RANBP17: variants seen among roughly 807,000 people sequenced by gnomAD.
RANBP17 encodes ran-binding protein 17.
In RANBP17, 158 loss-of-function variants were observed where a neutral mutation model predicts 141.2. The ratio of observed to expected loss-of-function variants is 1.12; its 90% CI spans 0.98 to 1.28. The LOEUF is 1.28. Among genes scored for constraint, RANBP17 ranks in the 50% most tolerant of loss-of-function variants. The probability of loss-of-function intolerance (pLI) is 0.00; values close to 1 mark genes in which losing one functional copy is unlikely to be tolerated. For synonymous variants in RANBP17, 430 were observed against 450.0 expected (o/e 0.96, Z 0.56); for missense variants, 1,438 against 1,290.7 (o/e 1.11, Z -1.75).
chr5:171,258,603 A>G (rs1422270114), intron 24 of RANBP17, among the ~76,000 whole-genome samples: 3 of 152,218 alleles, frequency 2.0e-5, no homozygotes, highest in Non-Finnish European at 4.4e-5. Context: ...CCGATCTTCA[A>G]CAAAGCTGAC....
At chr5:171,097,322 GCTT>G (rs1327319895) in intron 14 of RANBP17, among the ~76,000 whole-genome samples, 1 of 152,014 alleles carries the variant, frequency 6.6e-6, no homozygotes, top group Admixed American at 6.6e-5. Flanking sequence ...GTCACTGAGT[GCTT>G]CTTATGTATC....
At chr5:171,275,564 A>C in intron 25 of RANBP17, among the ~76,000 whole-genome samples, 1 of 152,196 alleles carries the variant, frequency 6.6e-6, no homozygotes, top group East Asian at 1.9e-4. Flanking sequence ...TTCTGAGGCT[A>C]TGATATTTAA....
intron 13 of RANBP17, among the ~76,000 whole-genome samples, chr5:170,965,968 G>C (rs1458460277): frequency 6.6e-6 from 1 of 152,088 alleles, no homozygotes; most frequent in Non-Finnish European, 1.5e-5. Context: ...GGATGGCATT[G>C]AATCTATAAA....
intron 14 of RANBP17, among the ~76,000 whole-genome samples, chr5:171,097,557 C>T (rs1786779757): frequency 6.6e-6 from 1 of 150,740 alleles, no homozygotes; most frequent in Admixed American, 6.6e-5. Flanking sequence ...TTAAGTCTAT[C>T]AATAGTCCCA....
At chr5:170,953,746 A>T (rs1446685507) in intron 13 of RANBP17, 44 bp downstream of exon 13, 14 of 1,262,036 alleles carry the variant, frequency 1.1e-5, no homozygotes, top group Non-Finnish European at 1.4e-5. Flanking sequence ...CTAAATAGTT[A>T]AAAAAAATTA....
intron 14 of RANBP17, among the ~76,000 whole-genome samples, chr5:171,010,189 A>G (rs1259682828): frequency 6.6e-6 from 1 of 152,184 alleles, no homozygotes; most frequent in African/African-American, 2.4e-5. Flanking sequence ...CAGAAAGCTT[A>G]AAGAATTAAA....
rs566203933 is a variant in RANBP17, at chr5:171,211,652, C to A, written c.2232-1979C>A. Among the ~76,000 whole-genome samples the A allele has an allele frequency of 1.1e-4, 10 of 92,896 alleles. No individual in the cohort carries two copies. The East Asian group carries it at 2.8e-3, about 26-fold the overall frequency. The allele number at this position is 92,896 out of a possible 152,430, so 60.9% of individuals were successfully genotyped here. On this transcript the variant is annotated intron_variant, in intron 20 of 27. Coordinates refer to ENST00000523189, the MANE Select transcript of RANBP17 (RefSeq NM_022897.5). ...GGTTTTTTTTTTTTTTTTTTTTTTA[C>A]TGGTGTCTCTGGAAAGTGTCAAACA... is the stretch of plus-strand genomic sequence containing the variant.
intron 25 of RANBP17, among the ~76,000 whole-genome samples, chr5:171,267,544 A>G (rs979230142): frequency 6.6e-6 from 1 of 152,144 alleles, no homozygotes; most frequent in Non-Finnish European, 1.5e-5. Flanking sequence ...GCAGTGACTC[A>G]CGCCTGTAAT....
Position 170,878,240 on chromosome 5 carries a change from A to T in RANBP17, c.162A>T (p.Gly54=). Residue 54 remains glycine (G), a synonymous_variant, in exon 2 of 28, where the codon GGA becomes GGT. Coordinates refer to ENST00000523189, the MANE Select transcript of RANBP17 (RefSeq NM_022897.5). ...AGTGTCAACTTTTATTAGAACAAGG[A>T]ACAGTAAGTATTTGGTAACAATGAT... ...LSKCQLLLEQ[G]TTSYAQLLAA... is the part of the protein sequence containing the mutation. 1.2e-6 allele frequency: 2 copies of T among 1,605,174 alleles called. No homozygotes were observed. Among genetic ancestry groups the T allele is most frequent in the Non-Finnish European group, 1.7e-6 (2 of 1,176,270 alleles).
intron 14 of RANBP17, among the ~76,000 whole-genome samples, chr5:171,134,278 G>A (rs1226550682): frequency 6.6e-6 from 1 of 152,172 alleles, no homozygotes; most frequent in East Asian, 1.9e-4. Context: ...AAGTTTGCTA[G>A]TAGTTTGTTC....
chr5:171,089,940 C>T (rs1338802423), intron 14 of RANBP17, among the ~76,000 whole-genome samples: 1 of 152,198 alleles, frequency 6.6e-6, no homozygotes, highest in Admixed American at 6.5e-5. Flanking sequence ...ACACTGGGAG[C>T]TGTAGACCGG....
chr5:171,036,106 T>C (rs969311710), intron 14 of RANBP17, among the ~76,000 whole-genome samples: 13 of 152,172 alleles, frequency 8.5e-5, no homozygotes, highest in African/African-American at 2.9e-4. Context: ...GCTATTTTAT[T>C]GGCCAAGCTG....
In RANBP17 at chr5:170,892,571, C is replaced by T. The variant is rs79372097; in HGVS notation, c.423+18C>T. The T allele has an allele frequency of 5.1e-3, 8,216 of 1,606,984 alleles. 348 individuals are homozygous for T. The African/African-American group carries it at 0.095, about 19-fold the overall frequency. On this transcript the variant is annotated intron_variant, in intron 4 of 27. Transcript: ENST00000523189. Reference sequence around the variant, plus strand: ...TTCTCCAGGTAAGAAGTCATTGCTACATGGTTAGAACATCACTACTTGCTT... The same window carrying T: ...TTCTCCAGGTAAGAAGTCATTGCTATATGGTTAGAACATCACTACTTGCTT...
chr5:171,245,448 G>A (rs1003906381), intron 24 of RANBP17, among the ~76,000 whole-genome samples: 3 of 152,102 alleles, frequency 2.0e-5, no homozygotes, highest in Non-Finnish European at 2.9e-5. Flanking sequence ...CTGAGTAGCT[G>A]GGATTACAGG....
chr5:170,952,422 A>G (rs1775282960), intron 12 of RANBP17, among the ~76,000 whole-genome samples: 1 of 152,068 alleles, frequency 6.6e-6, no homozygotes, highest in Non-Finnish European at 1.5e-5. Context: ...GGATGTGAAT[A>G]CTTGCCAGGT....
At chr5:171,046,990 C>CAT (rs1461734831) in intron 14 of RANBP17, among the ~76,000 whole-genome samples, 1 of 148,028 alleles carries the variant, frequency 6.8e-6, no homozygotes, top group East Asian at 2.0e-4. Context: ...GATTGTAGGG[C>CAT]ATCTCATTGT....
intron 14 of RANBP17, among the ~76,000 whole-genome samples, chr5:171,021,525 C>T (rs1780855277): frequency 1.3e-5 from 2 of 152,094 alleles, no homozygotes; most frequent in Admixed American, 1.3e-4. Flanking sequence ...GTAAGTTGAT[C>T]TTCAATCTCT....
intron 12 of RANBP17, among the ~76,000 whole-genome samples, chr5:170,941,081 T>TA (rs1774290267): frequency 6.6e-6 from 1 of 151,996 alleles, no homozygotes; most frequent in South Asian, 2.1e-4. Context: ...AATACAGAAA[T>TA]ACAACATTTT....
intron 12 of RANBP17, among the ~76,000 whole-genome samples, chr5:170,944,299 C>T (rs928754194): frequency 2.0e-5 from 3 of 152,182 alleles, no homozygotes; most frequent in Admixed American, 6.5e-5. Context: ...GACAGGGTCT[C>T]ACTGTCACCT....
Sources: allele counts gnomAD v4.1 joint callset (sites outside exome capture counted in the v4.1 genomes callset), GRCh38; gene constraint gnomAD v4.1.1; transcripts MANE v1.5; gene names NCBI Gene and HGNC (gene_info 2026-07-23, HGNC 2026-07-21).